UTRN: variants seen among roughly 807,000 people sequenced by gnomAD.
UTRN encodes the protein utrophin, also known as dystrophin-related protein 1.
Under a neutral mutation model 463.9 loss-of-function variants are expected in UTRN, and 283 were observed. The ratio of observed to expected loss-of-function variants is 0.61; its 90% confidence interval spans 0.55 to 0.67. The LOEUF is 0.67. UTRN is among the 30% of genes least tolerant of loss of function. The pLI, the probability that UTRN is intolerant of heterozygous loss-of-function variation, is 0.00. For synonymous variants in UTRN, 1,442 were observed against 1,431.5 expected, an observed-to-expected ratio of 1.01 and a Z score of -0.17; for missense variants, 3,922 against 4,084.3, an observed-to-expected ratio of 0.96 and a Z score of 1.08.
chr6:144,791,485 T>A (rs1776749996), intron 62 of UTRN, among the ~76,000 whole-genome samples: 1 of 151,548 alleles, frequency 6.6e-6, no homozygotes, highest in Non-Finnish European at 1.5e-5. Context: ...GGTGGGAGGA[T>A]CACTTGAGCC....
intron 50 of UTRN, among the ~76,000 whole-genome samples, chr6:144,572,896 C>T (rs1052328488): frequency 1.3e-5 from 2 of 152,236 alleles, no homozygotes; most frequent in Admixed American, 6.5e-5. Context: ...GATTTATAAT[C>T]TTTTGCATAT....
At chr6:144,449,279 C>T (rs527864112) in intron 17 of UTRN, among the ~76,000 whole-genome samples, 110 of 152,250 alleles carry the variant, frequency 7.2e-4, no homozygotes, top group African/African-American at 2.5e-3. Context: ...CCCCAATAAT[C>T]GAGGGCCTTA....
intron 52 of UTRN, among the ~76,000 whole-genome samples, chr6:144,694,880 C>T (rs1783826027): frequency 6.6e-6 from 1 of 151,230 alleles, no homozygotes; most frequent in Non-Finnish European, 1.5e-5. Context: ...TTTTTTGTGT[C>T]TCAGTCTCCT....
intron 58 of UTRN, among the ~76,000 whole-genome samples, chr6:144,759,700 A>G (rs2128727065): frequency 6.6e-6 from 1 of 152,240 alleles, no homozygotes; most frequent in East Asian, 1.9e-4. Flanking sequence ...AATGCTAGCT[A>G]CTAGCTTGGA....
intron 65 of UTRN, among the ~76,000 whole-genome samples, chr6:144,808,246 G>A (rs977217907): frequency 3.3e-5 from 5 of 151,432 alleles, no homozygotes; most frequent in East Asian, 2.0e-4. Context: ...ATATTTTTTA[G>A]AATGATTAAG....
intron 14 of UTRN, among the ~76,000 whole-genome samples, chr6:144,445,484 G>A (rs1237153348): frequency 6.6e-6 from 1 of 151,730 alleles, no homozygotes; most frequent in Non-Finnish European, 1.5e-5. Flanking sequence ...TCAAGTGTGT[G>A]ATGTTTTGTG....
chr6:144,562,952 C>T (rs1163051237), intron 50 of UTRN, among the ~76,000 whole-genome samples: 1 of 152,118 alleles, frequency 6.6e-6, no homozygotes, highest in Non-Finnish European at 1.5e-5. Context: ...CTCTAATGCT[C>T]AGTAGTGTTG....
intron 51 of UTRN, among the ~76,000 whole-genome samples, chr6:144,627,645 C>T (rs1269579868): frequency 6.6e-6 from 1 of 152,062 alleles, no homozygotes; most frequent in Non-Finnish European, 1.5e-5. Context: ...TGGTAATGGC[C>T]ACTCTACTTT....
At position 144,655,916 on chromosome 6, in the gene UTRN, G is replaced by A. The variant is rs548378725; in HGVS notation, c.7480-22490G>A. On this transcript the variant is annotated intron_variant, in intron 51 of 74. Coordinates refer to ENST00000367545, the MANE Select transcript of UTRN (RefSeq NM_007124.3). ...TTGTCCTACCCTTTGAAAGTTGTTG[G>A]CAAAGCCATACCTATAGCTCTCTTC... Among the ~76,000 whole-genome samples, 11 of 152,206 alleles carry A rather than the reference G, an allele frequency of 7.2e-5. No homozygotes were observed. The East Asian group carries it at 2.1e-3, about 29-fold the overall frequency.
intron 53 of UTRN, among the ~76,000 whole-genome samples, chr6:144,702,195 C>T (rs1784668513): frequency 6.6e-6 from 1 of 152,124 alleles, no homozygotes; most frequent in East Asian, 1.9e-4. Flanking sequence ...AATGATTTTC[C>T]TCTTCTGGCC....
At chr6:144,772,534 T>A (rs1328211944) in intron 59 of UTRN, among the ~76,000 whole-genome samples, 1 of 152,158 alleles carries the variant, frequency 6.6e-6, no homozygotes, top group Non-Finnish European at 1.5e-5. Flanking sequence ...GTAATTGTAG[T>A]TTTTACCTCC....
At chr6:144,606,520 T>C (rs1331583340) in intron 51 of UTRN, among the ~76,000 whole-genome samples, 1 of 152,208 alleles carries the variant, frequency 6.6e-6, no homozygotes, top group Non-Finnish European at 1.5e-5. Flanking sequence ...GTATCTGTTT[T>C]CAAGTTTGCA....
rs545693585 is a variant in UTRN, at chr6:144,435,942, C to T, written c.863C>T (p.Ala288Val). The change falls in exon 10 of 75, where the codon GCG becomes GTG. Residue 288 changes from alanine (A) to valine (V), a missense_variant. By Grantham distance (64) the Ala-to-Val change is moderately conservative. This residue lies in a region of UTRN where 2,349 missense variants were observed against 2,303.8 expected (regional missense o/e 1.02). Coordinates refer to ENST00000367545, the MANE Select transcript of UTRN (RefSeq NM_007124.3). ...EEEAINIQSTAPEEEHESPRA... is the reference protein window; with the variant it reads ...EEEAINIQSTVPEEEHESPRA... ...TTGGCTTTGTTTTTACAGAGTACAG[C>T]GCCTGAGGAGGAGCATGAGAGTCCC... 1.8e-5 allele frequency: 29 copies of T among 1,613,596 alleles called. No individual in the cohort carries two copies. The highest frequency in any genetic ancestry group is 2.7e-5 in the African/African-American group (2 of 74,906).
chr6:144,321,461 C>CTTT (rs529134208), intron 2 of UTRN, among the ~76,000 whole-genome samples: 42 of 100,454 alleles, frequency 4.2e-4, no homozygotes, highest in Non-Finnish European at 5.5e-4. Flanking sequence ...TGTGCCATAT[C>CTTT]TTTTTTTTTT....
chr6:144,368,032 G>T (rs1256616912), intron 2 of UTRN, among the ~76,000 whole-genome samples: 1 of 152,024 alleles, frequency 6.6e-6, no homozygotes, highest in Non-Finnish European at 1.5e-5. Context: ...TGCCTGCCTT[G>T]GCCTTCTGAA....
intron 2 of UTRN, among the ~76,000 whole-genome samples, chr6:144,343,089 C>T (rs977008435): frequency 2.0e-5 from 3 of 152,018 alleles, no homozygotes; most frequent in Non-Finnish European, 4.4e-5. Context: ...TTTTCTGTAT[C>T]ATAGTACAGT....
At chr6:144,821,518 T>G (rs908112409) in intron 66 of UTRN, among the ~76,000 whole-genome samples, 2 of 152,010 alleles carry the variant, frequency 1.3e-5, no homozygotes, top group African/African-American at 4.8e-5. Flanking sequence ...AATCTATTTT[T>G]TATTGAAAAT....
chr6:144,816,099 A>T (rs773050892), intron 65 of UTRN, among the ~76,000 whole-genome samples: 6 of 152,194 alleles, frequency 3.9e-5, no homozygotes, highest in Non-Finnish European at 5.9e-5. Context: ...GTAGGAGGTT[A>T]TCAAGAGGAC....
chr6:144,450,066 A>G (rs895650287), intron 17 of UTRN, among the ~76,000 whole-genome samples: 2 of 152,092 alleles, frequency 1.3e-5, no homozygotes, highest in Admixed American at 1.3e-4. Flanking sequence ...CAACCTTCTC[A>G]ACACCTCTCA....
Sources: gnomAD v4.1 joint callset for allele counts (sites outside exome capture counted in the v4.1 genomes callset) on GRCh38, gnomAD v4.1.1 for gene constraint, gnomAD v4.1.1 regional missense constraint, MANE v1.5 for transcripts, NCBI Gene and HGNC (gene_info 2026-07-23, HGNC 2026-07-21) for gene names.